The following PTPDC1 variants were observed in gnomAD, a reference collection of about 807,000 sequenced individuals.
PTPDC1 encodes the protein protein tyrosine phosphatase domain containing 1.
PTPDC1 carries 53 observed loss-of-function variants against 75.3 expected under a neutral mutation model. The ratio of observed to expected loss-of-function variants is 0.70; its 90% CI spans 0.56 to 0.88. The LOEUF (loss-of-function observed/expected upper bound fraction) is 0.88, where lower values mean the gene tolerates loss of function less well. Ranked by LOEUF, PTPDC1 falls within the 40% of genes least tolerant of loss-of-function variation. The pLI is 0.00. For missense variants in PTPDC1, 925 were observed against 998.6 expected (o/e 0.93, Z 0.99); for synonymous variants, 349 against 366.2 (o/e 0.95, Z 0.54).
At chr9:94,095,593 T>A in intron 5 of PTPDC1, 139 bp downstream of exon 5, 1 of 659,516 alleles carries the variant, frequency 1.5e-6, no homozygotes, top group East Asian at 2.7e-5. Context: ...TAAGTTCTAG[T>A]GTTCTGTACC....
intron 1 of PTPDC1, among the ~76,000 whole-genome samples, chr9:94,036,436 A>T (rs941774505): frequency 6.6e-6 from 1 of 151,978 alleles, no homozygotes; most frequent in Admixed American, 6.6e-5. Context: ...TCCCAACACG[A>T]TTTATTTAAA....
At chr9:94,044,811 T>C (rs548169093) in intron 1 of PTPDC1, among the ~76,000 whole-genome samples, 2 of 152,110 alleles carry the variant, frequency 1.3e-5, no homozygotes, top group South Asian at 4.1e-4. Flanking sequence ...CTTGCCTCGT[T>C]CCTGATTTAA....
Position 94,084,707 on chromosome 9 carries a change from G to T in PTPDC1, c.177G>T (p.Val59=). Residue 59 remains valine, a synonymous_variant, in exon 1 of 9, where the codon GTG becomes GTT. Transcript: ENST00000620992. ...TKLLSSSSLQ[V]MVAVSSVSHA... is the part of the protein sequence containing the mutation. ...TGCTGTCCTCGTCCTCTCTCCAGGT[G>T]ATGGTGGCTGTTTCCTCAGTCAGCC... 3 of 1,612,598 alleles carry T rather than the reference G, an allele frequency of 1.9e-6. No homozygotes were observed. The highest frequency in any genetic ancestry group is 2.5e-6 in the Non-Finnish European group (3 of 1,179,356).
chr9:94,105,981 A>C (rs1233958322), intron 8 of PTPDC1, among the ~76,000 whole-genome samples: 1 of 152,124 alleles, frequency 6.6e-6, no homozygotes, highest in Non-Finnish European at 1.5e-5. Flanking sequence ...TCAAAAAAAA[A>C]AAAGTAAACA....
chr9:94,098,193 G>C lies in PTPDC1; in HGVS notation c.1627G>C (p.Ala543Pro), dbSNP rs199667337. 3.7e-6 allele frequency: 6 copies of C among 1,614,222 alleles called. No individual in the cohort carries two copies. In the Admixed American group the frequency reaches 8.3e-5, roughly 22 times the overall value. Residue 543 changes from alanine (A) to proline (P), a missense_variant, in exon 6 of 9, where the codon GCT becomes CCT. Ala to Pro is a conservative substitution (Grantham distance 27). Coordinates refer to ENST00000620992, the MANE Select transcript of PTPDC1 (RefSeq NM_001253829.2). ...TCCAAAGGAAGCACAGCAGAGTGGAGCTTTCTCTGCAGATGTTTCAGGCTC... is the reference window on the plus strand; with the variant it reads ...TCCAAAGGAAGCACAGCAGAGTGGACCTTTCTCTGCAGATGTTTCAGGCTC... ...IIPKEAQQSGAFSADVSGSHS... is the reference protein window; with the variant it reads ...IIPKEAQQSGPFSADVSGSHS...
chr9:94,050,688 C>T lies in PTPDC1; in HGVS notation c.-6-14046C>T, dbSNP rs186324397. Among the ~76,000 whole-genome samples, 114 of 152,270 alleles carry T rather than the reference C, an allele frequency of 7.5e-4. 4 individuals carry two copies. In the East Asian group the frequency reaches 0.02, roughly 26 times the overall value. ...GATCCACTTGAGGAGGCAGTCTGTC[C>T]GTTCTCAGATCTCAAACTGCGTACT... On this transcript the variant is annotated intron_variant, in intron 1 of 9. Coordinates refer to the PTPDC1 transcript ENST00000375360.
chr9:94,078,039 C>T (rs1428180069), intron 2 of PTPDC1, among the ~76,000 whole-genome samples: 1 of 152,242 alleles, frequency 6.6e-6, no homozygotes, highest in Non-Finnish European at 1.5e-5. Flanking sequence ...CACTAATCTA[C>T]TTTCTGTCCC....
At chr9:94,081,911 A>G (rs1356055881), upstream of PTPDC1, among the ~76,000 whole-genome samples, 1 of 152,218 alleles carries the variant, frequency 6.6e-6, no homozygotes, top group Non-Finnish European at 1.5e-5. Flanking sequence ...AGACAAAGAG[A>G]AGCTTTATTC....
intron 1 of PTPDC1, among the ~76,000 whole-genome samples, chr9:94,033,878 A>C (rs952914199): frequency 1.3e-5 from 2 of 152,216 alleles, no homozygotes; most frequent in African/African-American, 4.8e-5. Context: ...CAAATTGACT[A>C]TCTAGTTTCT....
chr9:94,080,333 G>A (rs1441203970), upstream of PTPDC1, among the ~76,000 whole-genome samples: 2 of 152,114 alleles, frequency 1.3e-5, no homozygotes, highest in Non-Finnish European at 2.9e-5. Flanking sequence ...TGGAAAGGGT[G>A]GAAATTAGAG....
intron 8 of PTPDC1, among the ~76,000 whole-genome samples, chr9:94,106,667 G>A (rs1166903184): frequency 6.6e-6 from 1 of 152,192 alleles, no homozygotes; most frequent in African/African-American, 2.4e-5. Context: ...CTTTACAGTT[G>A]TTGACAGAGG....
Position 94,084,494 on chromosome 9 carries a change from T to C in PTPDC1, c.-37T>C. The C allele has an allele frequency of 6.2e-7, 1 of 1,603,212 alleles. No homozygotes were observed. The highest frequency in any genetic ancestry group is 8.5e-7 in the Non-Finnish European group (1 of 1,179,458). On this transcript the variant is annotated 5_prime_UTR_variant, in exon 1 of 9. Transcript: ENST00000620992. ...AAGTTCCTCACTGAGTGAGTGGGGC[T>C]GACTCTTCCTGCCTCCGGCTCTTGC... is the stretch of plus-strand genomic sequence containing the variant.
chr9:94,088,338 A>G, intron 4 of PTPDC1, 75 bp downstream of exon 4: 6 of 1,505,022 alleles, frequency 4.0e-6, no homozygotes, highest in Non-Finnish European at 5.4e-6. Context: ...GGGTTCTTAG[A>G]TTAAAAAGAT....
At chr9:94,073,162 G>A (rs1826572393) in intron 2 of PTPDC1, among the ~76,000 whole-genome samples, 1 of 152,140 alleles carries the variant, frequency 6.6e-6, no homozygotes, top group East Asian at 1.9e-4. Flanking sequence ...TTTCTTTTGG[G>A]GAACTTTTTG....
upstream of PTPDC1, among the ~76,000 whole-genome samples, chr9:94,079,536 C>G (rs140634948): frequency 1.8e-4 from 27 of 152,276 alleles, 1 homozygote; most frequent in East Asian, 5.0e-3. Flanking sequence ...TTGTCTCTTT[C>G]CTTGGTTCTC....
intron 1 of PTPDC1, among the ~76,000 whole-genome samples, chr9:94,050,470 G>C (rs112134141): frequency 6.6e-6 from 1 of 152,240 alleles, no homozygotes; most frequent in Non-Finnish European, 1.5e-5. Context: ...GGAGTTTGCT[G>C]GAGGTCCACT....
intron 1 of PTPDC1, among the ~76,000 whole-genome samples, chr9:94,052,699 A>T (rs1412392173): frequency 6.6e-6 from 1 of 151,802 alleles, no homozygotes; most frequent in African/African-American, 2.4e-5. Flanking sequence ...AGAGATTGAG[A>T]CTCATGTTTT....
chr9:94,083,442 G>C (rs928000750), upstream of PTPDC1, among the ~76,000 whole-genome samples: 6 of 151,420 alleles, frequency 4.0e-5, no homozygotes, highest in Middle Eastern at 3.2e-3. Flanking sequence ...GCTTGGTATA[G>C]CATTAGTAAT....
At chr9:94,088,107 T>A in intron 3 of PTPDC1, 38 bp from the exon 4 acceptor site, 1 of 1,593,006 alleles carries the variant, frequency 6.3e-7, no homozygotes, top group Non-Finnish European at 8.5e-7. Context: ...TTTTAAATGC[T>A]AGCTCCCAAT....
Sources: allele counts gnomAD v4.1 joint callset (sites outside exome capture counted in the v4.1 genomes callset), GRCh38; gene constraint gnomAD v4.1.1; transcripts MANE v1.5; gene names NCBI Gene and HGNC (gene_info 2026-07-23, HGNC 2026-07-21).